Variants in STK10 observed in about 807,000 individuals in gnomAD.
STK10 encodes serine/threonine-protein kinase 10.
A neutral mutation model predicts 113.8 loss-of-function variants in STK10; 78 were observed. The observed-to-expected ratio is 0.69, with a 90% CI of 0.57 to 0.83. STK10 has a LOEUF of 0.83. STK10 is among the 40% of genes least tolerant of loss of function. The pLI is 0.00. For missense variants in STK10, 1,109 were observed against 1,280.1 expected (o/e 0.87, Z 2.04); for synonymous variants, 465 against 494.7 (o/e 0.94, Z 0.80).
At chr5:172,185,533 CT>C (rs1378567774) in intron 1 of STK10, among the ~76,000 whole-genome samples, 1 of 152,172 alleles carries the variant, frequency 6.6e-6, no homozygotes, top group Non-Finnish European at 1.5e-5. Flanking sequence ...TCCCAAAGTG[CT>C]AGGATTACAG....
chr5:172,086,972 G>A (rs1245581098), intron 10 of STK10, among the ~76,000 whole-genome samples: 1 of 152,276 alleles, frequency 6.6e-6, no homozygotes, highest in East Asian at 1.9e-4. Flanking sequence ...GCCCAGAGGG[G>A]AGGTGATGGA....
chr5:172,101,363 T>C (rs1034375122), intron 7 of STK10, among the ~76,000 whole-genome samples: 1 of 148,520 alleles, frequency 6.7e-6, no homozygotes, highest in Non-Finnish European at 1.5e-5. Context: ...CCCAACTACT[T>C]GGGAAGCCGA....
chr5:172,045,230 C>A (rs980316973), intron 18 of STK10, among the ~76,000 whole-genome samples: 6 of 152,094 alleles, frequency 3.9e-5, no homozygotes, highest in Non-Finnish European at 7.4e-5. Context: ...CACTCAGAAG[C>A]TCCCTGTGGA....
At chr5:172,127,271 G>T in intron 3 of STK10, 102 bp downstream of exon 3, 1 of 1,262,706 alleles carries the variant, frequency 7.9e-7, no homozygotes, top group Non-Finnish European at 1.1e-6. Flanking sequence ...TGGAATGGGA[G>T]AGTGGAGGTC....
chr5:172,124,090 G>C (rs1769570776), intron 3 of STK10, among the ~76,000 whole-genome samples: 1 of 152,054 alleles, frequency 6.6e-6, no homozygotes, highest in East Asian at 1.9e-4. Flanking sequence ...CTAACGCCCA[G>C]CTAACTTTTG....
chr5:172,096,341 C>T (rs1581153712), intron 8 of STK10, 85 bp downstream of exon 8: 1 of 1,573,046 alleles, frequency 6.4e-7, no homozygotes, highest in Non-Finnish European at 8.6e-7. Context: ...AGAGTCCTGG[C>T]CTTCCCTGCC....
rs545288169 is a variant in STK10, at chr5:172,177,796, C to T, written c.156+10091G>A. Among the ~76,000 whole-genome samples the T allele has an allele frequency of 9.1e-4, 138 of 152,242 alleles. 1 individual carries two copies. The highest frequency in any genetic ancestry group is 1.6e-3 in the Non-Finnish European group (106 of 68,018). On this transcript the variant is annotated intron_variant, in intron 1 of 18. Transcript: ENST00000176763. Reference sequence around the variant, plus strand: ...ACTCCCTTGGACAGCATCATTAGCCCAGAGACAGAAGGGACCAACTTACCT... The same window carrying T: ...ACTCCCTTGGACAGCATCATTAGCCTAGAGACAGAAGGGACCAACTTACCT...
intron 18 of STK10, among the ~76,000 whole-genome samples, chr5:172,047,202 A>G (rs184196203): frequency 6.6e-6 from 1 of 152,360 alleles, no homozygotes; most frequent in African/African-American, 2.4e-5. Flanking sequence ...CCAAGCAGCT[A>G]ATGACAGAAG....
At chr5:172,088,492 C>A (rs111382653) in intron 10 of STK10, among the ~76,000 whole-genome samples, 9 of 152,156 alleles carry the variant, frequency 5.9e-5, no homozygotes, top group African/African-American at 2.2e-4. Flanking sequence ...CCACTGCACT[C>A]CAGCCTGAGC....
At position 172,088,058 on chromosome 5, in the gene STK10, T is replaced by C. The variant is rs6877293; in HGVS notation, c.1685+2174A>G. On this transcript the variant is annotated intron_variant, in intron 10 of 18. Transcript: ENST00000176763. ...CTCCCACTTCAGCCTCCCGAGTAGC[T>C]GGGACTACAGGTATGTGCCCAGCTA... is the stretch of plus-strand genomic sequence containing the variant. 1.7e-3 allele frequency among the ~76,000 whole-genome samples: 259 copies of C among 152,248 alleles called. 1 individual carries two copies. Among genetic ancestry groups the C allele is most frequent in the African/African-American group, 6.1e-3 (255 of 41,540 alleles).
At chr5:172,137,291 C>A (rs1324385653) in intron 2 of STK10, among the ~76,000 whole-genome samples, 1 of 152,014 alleles carries the variant, frequency 6.6e-6, no homozygotes, top group Admixed American at 6.6e-5. Context: ...CTCTGACATA[C>A]TGATGCAAAG....
chr5:172,053,242 T>G, intron 17 of STK10, 200 bp from the exon 18 acceptor site: 1 of 557,460 alleles, frequency 1.8e-6, no homozygotes, highest in Non-Finnish European at 3.2e-6. Flanking sequence ...CCAGAATATG[T>G]TAATAGTTCT....
chr5:172,073,113 T>C (rs1436221465), intron 12 of STK10, among the ~76,000 whole-genome samples: 3 of 151,616 alleles, frequency 2.0e-5, no homozygotes, highest in Non-Finnish European at 4.4e-5. Flanking sequence ...GCAGCTGGGA[T>C]TACAGGTGCA....
chr5:172,100,345 T>C lies in STK10; in HGVS notation c.871-3785A>G, dbSNP rs115222455. 7.2e-3 allele frequency among the ~76,000 whole-genome samples: 1,098 copies of C among 152,266 alleles called. 18 individuals carry two copies. Among genetic ancestry groups the C allele is most frequent in the African/African-American group, 0.024 (1,016 of 41,532 alleles). The stretch of plus-strand genomic sequence containing the variant: ...GCTGGCTGTTCAGTGCCATCTTTGC[T>C]GAAAAAGGCAACCGGCAGCTGCTCT... On this transcript the variant is annotated intron_variant, in intron 7 of 18. Coordinates refer to ENST00000176763, the MANE Select transcript of STK10 (RefSeq NM_005990.4).
chr5:172,188,043 G>A lies in STK10; in HGVS notation c.-1C>T. ...TGCGGCGGAAATTGGCAAAAGCCAT[G>A]GCCGGGGGCGCGGTGGCGCCGGCTC... On this transcript the variant is annotated 5_prime_UTR_variant, in exon 1 of 19. Coordinates refer to ENST00000176763, the MANE Select transcript of STK10 (RefSeq NM_005990.4). This position sits in a 1 kb window ranked among gnomAD's most constrained non-coding sequence, Gnocchi z 5.6. 6.2e-7 allele frequency: 1 copy of A among 1,611,204 alleles called. No individual in the cohort carries two copies. Among genetic ancestry groups the A allele is most frequent in the Non-Finnish European group, 8.5e-7 (1 of 1,178,850 alleles).
chr5:172,117,279 A>T (rs1206104221), intron 4 of STK10, among the ~76,000 whole-genome samples: 1 of 152,202 alleles, frequency 6.6e-6, no homozygotes, highest in African/African-American at 2.4e-5. Context: ...ACTGCCTCAA[A>T]AAAATAAAAT....
chr5:172,124,806 C>T (rs1263635257), intron 3 of STK10, among the ~76,000 whole-genome samples: 2 of 152,106 alleles, frequency 1.3e-5, no homozygotes, highest in Admixed American at 6.6e-5. Flanking sequence ...CTCTGTGCAA[C>T]TGCCCGTAAT....
At chr5:172,058,017 G>A (rs746699742) in intron 14 of STK10, among the ~76,000 whole-genome samples, 1 of 152,066 alleles carries the variant, frequency 6.6e-6, no homozygotes, top group Non-Finnish European at 1.5e-5. Flanking sequence ...TCTCCTGCAC[G>A]TCCCAGGCAT....
At chr5:172,170,645 C>T (rs577407333) in intron 1 of STK10, among the ~76,000 whole-genome samples, 14 of 152,310 alleles carry the variant, frequency 9.2e-5, no homozygotes, top group Middle Eastern at 6.8e-3. Context: ...AAATAAAATA[C>T]GGAAACCCAA....
Sources: gnomAD v4.1 joint callset for allele counts (sites outside exome capture counted in the v4.1 genomes callset) on GRCh38, gnomAD v4.1.1 for gene constraint, Gnocchi (gnomAD v3.1) non-coding constraint, MANE v1.5 for transcripts, NCBI Gene and HGNC (gene_info 2026-07-23, HGNC 2026-07-21) for gene names.